Variants in PHF24 observed in about 807,000 individuals in gnomAD.
The protein encoded by PHF24 is Galpha inhibitory interacting protein.
PHF24 carries 25 observed loss-of-function variants against 42.6 expected under a neutral mutation model. That is an observed-to-expected ratio of 0.59 (90% CI 0.43 to 0.82). The LOEUF is 0.82. Ranked by LOEUF, PHF24 falls within the 40% of genes least tolerant of loss-of-function variation. PHF24 has a pLI of 0.00. For synonymous variants in PHF24, 185 were observed against 204.8 expected, an observed-to-expected ratio of 0.90 and a Z score of 0.83; for missense variants, 470 against 538.1, an observed-to-expected ratio of 0.87 and a Z score of 1.25.
the PHF24 span, among the ~76,000 whole-genome samples, chr9:34,860,250 A>G: frequency 5.9e-5 from 9 of 152,238 alleles, no homozygotes; most frequent in Admixed American, 2.6e-4. Context: ...GAGTCATTGT[A>G]TGTTTTGCCT....
At chr9:34,746,947 A>G in the PHF24 span, among the ~76,000 whole-genome samples, 24 of 152,322 alleles carry the variant, frequency 1.6e-4, no homozygotes, top group South Asian at 5.0e-3. Flanking sequence ...TTTCTTAAAA[A>G]GGACACAAAA....
chr9:34,976,884 T>C, intron 5 of PHF24, 144 bp downstream of exon 5: 2 of 908,060 alleles, frequency 2.2e-6, no homozygotes, highest in South Asian at 1.7e-5. Flanking sequence ...CAGTGACAGA[T>C]GATCTGGTGC....
chr9:34,965,223 T>G (rs1826726346), intron 1 of PHF24, among the ~76,000 whole-genome samples: 1 of 152,234 alleles, frequency 6.6e-6, no homozygotes, highest in South Asian at 2.1e-4. Flanking sequence ...ACACACACTT[T>G]TAATCAAAGT....
chr9:34,895,679 A>C, the PHF24 span: 1 of 404,516 alleles, frequency 2.5e-6, no homozygotes, highest in African/African-American at 2.1e-5. Flanking sequence ...ATAGGTGTAT[A>C]AGGGATATCC....
chr9:34,783,594 C>G, the PHF24 span, among the ~76,000 whole-genome samples: 1 of 152,194 alleles, frequency 6.6e-6, no homozygotes, highest in African/African-American at 2.4e-5. Context: ...CTTGTTCATT[C>G]TCCTCCAAGA....
At chr9:34,687,963 A>G in the PHF24 span, among the ~76,000 whole-genome samples, 1 of 152,212 alleles carries the variant, frequency 6.6e-6, no homozygotes, top group Non-Finnish European at 1.5e-5. Context: ...GAATGGATGC[A>G]TGGATGCATG....
exon 8 of PHF24, chr9:34,978,388 A>G: frequency 2.2e-6 from 1 of 457,178 alleles, no homozygotes; most frequent in Non-Finnish European, 4.0e-6. Context: ...CCACACTTAT[A>G]TACATGTGCA....
the PHF24 span, among the ~76,000 whole-genome samples, chr9:34,936,036 G>GCTCCCACCCCCT: frequency 1.4e-5 from 2 of 145,670 alleles, no homozygotes; most frequent in African/African-American, 5.2e-5. Context: ...TCCCGCTCCC[G>GCTCCCACCCCCT]CTCCCGCTCC....
At chr9:34,731,546 G>A in the PHF24 span, among the ~76,000 whole-genome samples, 58 of 151,968 alleles carry the variant, frequency 3.8e-4, no homozygotes, top group Admixed American at 7.2e-4. Flanking sequence ...GTGAGAACAT[G>A]CAAAATTATT....
the PHF24 span, among the ~76,000 whole-genome samples, chr9:34,680,097 T>C: frequency 1.3e-5 from 2 of 152,066 alleles, no homozygotes; most frequent in Non-Finnish European, 2.9e-5. Context: ...AATACAAGGC[T>C]GGGTGCAGTG....
At chr9:34,944,915 G>T in the PHF24 span, among the ~76,000 whole-genome samples, 1 of 143,708 alleles carries the variant, frequency 7.0e-6, no homozygotes, top group Non-Finnish European at 1.5e-5. Flanking sequence ...AGGAAAAAAA[G>T]AAAGAGAAAT....
At chr9:34,778,868 TA>T in the PHF24 span, among the ~76,000 whole-genome samples, 1 of 152,012 alleles carries the variant, frequency 6.6e-6, no homozygotes, top group Admixed American at 6.5e-5. Flanking sequence ...TGCTAGGTCA[TA>T]AAAAAAGTCT....
At chr9:34,698,288 G>GGATA in the PHF24 span, among the ~76,000 whole-genome samples, 1 of 152,146 alleles carries the variant, frequency 6.6e-6, no homozygotes, top group South Asian at 2.1e-4. Flanking sequence ...CTCCTAGTCA[G>GGATA]TGTTTTTCAA....
chr9:34,920,414 T>G, the PHF24 span, among the ~76,000 whole-genome samples: 4 of 152,162 alleles, frequency 2.6e-5, no homozygotes, highest in East Asian at 7.7e-4. Flanking sequence ...TTACTATAGT[T>G]CTGTGATTCC....
At chr9:34,749,788 G>A in the PHF24 span, among the ~76,000 whole-genome samples, 26 of 138,232 alleles carry the variant, frequency 1.9e-4, no homozygotes, top group Non-Finnish European at 3.6e-4. Context: ...CCCATCCCCC[G>A]CTGTCTCAAC....
chr9:34,676,593 T>A, the PHF24 span, among the ~76,000 whole-genome samples: 1 of 152,238 alleles, frequency 6.6e-6, no homozygotes, highest in Non-Finnish European at 1.5e-5. Flanking sequence ...TGGGATTTCC[T>A]TGGCTTTCTT....
the PHF24 span, among the ~76,000 whole-genome samples, chr9:34,685,769 G>A: frequency 9.2e-5 from 14 of 152,264 alleles, no homozygotes; most frequent in Admixed American, 7.9e-4. Context: ...TTGGAGACTC[G>A]CACATGGCCA....
chr9:34,700,566 A>G, the PHF24 span, among the ~76,000 whole-genome samples: 1 of 152,146 alleles, frequency 6.6e-6, no homozygotes, highest in Non-Finnish European at 1.5e-5. Flanking sequence ...GGAGATCAGG[A>G]CCCTGGTATA....
the PHF24 span, among the ~76,000 whole-genome samples, chr9:34,711,378 T>G: frequency 1.3e-5 from 2 of 150,972 alleles, no homozygotes; most frequent in African/African-American, 4.9e-5. Flanking sequence ...TCCTGAGTAG[T>G]GGGGCCACCA....
Sources: allele counts gnomAD v4.1 joint callset (sites outside exome capture counted in the v4.1 genomes callset), GRCh38; gene constraint gnomAD v4.1.1; transcripts MANE v1.5; gene names NCBI Gene and HGNC (gene_info 2026-07-23, HGNC 2026-07-21).